LOC128125817: variants seen among roughly 807,000 people sequenced by gnomAD.
the LOC128125817 span, among the ~76,000 whole-genome samples, chr1:41,624,226 A>T: frequency 6.6e-6 from 1 of 152,158 alleles, no homozygotes; most frequent in Non-Finnish European, 1.5e-5. Flanking sequence ...ATCCTCCAGT[A>T]CAAAAATGAG....
the LOC128125817 span, among the ~76,000 whole-genome samples, chr1:41,605,373 GCGCACACACACACA>G: frequency 1.9e-5 from 2 of 106,758 alleles, no homozygotes; most frequent in East Asian, 5.2e-4. Flanking sequence ...ACACGCACAC[GCGCACACACACACA>G]CACACACACA....
chr1:41,597,741 C>T, the LOC128125817 span, among the ~76,000 whole-genome samples: 2 of 152,174 alleles, frequency 1.3e-5, no homozygotes, highest in African/African-American at 2.4e-5. Context: ...TTTTAGCAGC[C>T]TTCCTTTCCT....
the LOC128125817 span, among the ~76,000 whole-genome samples, chr1:41,594,441 T>A: frequency 1.3e-5 from 2 of 152,066 alleles, no homozygotes; most frequent in Non-Finnish European, 2.9e-5. Flanking sequence ...CAGACTGGTC[T>A]TGAACTCCTG....
At chr1:41,592,996 T>A in the LOC128125817 span, among the ~76,000 whole-genome samples, 326 of 152,312 alleles carry the variant, frequency 2.1e-3, 1 homozygote, top group South Asian at 4.8e-3. Flanking sequence ...CCCAGCCATG[T>A]CATCAATCCC....
At chr1:41,602,702 T>C in the LOC128125817 span, among the ~76,000 whole-genome samples, 1 of 152,090 alleles carries the variant, frequency 6.6e-6, no homozygotes, top group African/African-American at 2.4e-5. Context: ...CATTGATTTT[T>C]TTCCTATTGT....
At chr1:41,598,921 T>G in the LOC128125817 span, among the ~76,000 whole-genome samples, 1 of 152,016 alleles carries the variant, frequency 6.6e-6, no homozygotes, top group Non-Finnish European at 1.5e-5. Context: ...GCTCAGGTGA[T>G]TCTCCCACCT....
chr1:41,620,190 C>T, the LOC128125817 span, among the ~76,000 whole-genome samples: 1 of 152,214 alleles, frequency 6.6e-6, no homozygotes, highest in African/African-American at 2.4e-5. Flanking sequence ...CAGGGCTTGT[C>T]CTGACAGGTG....
the LOC128125817 span, among the ~76,000 whole-genome samples, chr1:41,602,195 TGTA>T: frequency 6.6e-6 from 1 of 152,210 alleles, no homozygotes; most frequent in Non-Finnish European, 1.5e-5. Flanking sequence ...AATATTAGCC[TGTA>T]GTTTTCTTTT....
At chr1:41,612,415 A>C in the LOC128125817 span, among the ~76,000 whole-genome samples, 1 of 152,106 alleles carries the variant, frequency 6.6e-6, no homozygotes, top group African/African-American at 2.4e-5. Flanking sequence ...CTCCTTGCAG[A>C]CCTCCTGTTC....
chr1:41,626,565 C>T, the LOC128125817 span, among the ~76,000 whole-genome samples: 1 of 152,148 alleles, frequency 6.6e-6, no homozygotes, highest in Admixed American at 6.5e-5. Flanking sequence ...GGACAGTTCC[C>T]CCATGTATCT....
the LOC128125817 span, among the ~76,000 whole-genome samples, chr1:41,610,168 T>TAC: frequency 6.6e-6 from 1 of 152,086 alleles, no homozygotes; most frequent in Non-Finnish European, 1.5e-5. Flanking sequence ...TCTCTCTGTA[T>TAC]ACACACACAC....
the LOC128125817 span, among the ~76,000 whole-genome samples, chr1:41,623,241 G>A: frequency 6.6e-6 from 1 of 152,206 alleles, no homozygotes. Context: ...TTTTGGAGAA[G>A]CGACACGAGA....
At chr1:41,591,891 A>G in the LOC128125817 span, among the ~76,000 whole-genome samples, 7 of 151,864 alleles carry the variant, frequency 4.6e-5, no homozygotes, top group Non-Finnish European at 1.0e-4. Flanking sequence ...GACCGACCCA[A>G]CGAGAGCGGG....
the LOC128125817 span, among the ~76,000 whole-genome samples, chr1:41,594,791 C>G: frequency 6.6e-6 from 1 of 152,060 alleles, no homozygotes; most frequent in Non-Finnish European, 1.5e-5. Flanking sequence ...TCCAATATTA[C>G]TTTTTAGAAT....
chr1:41,618,329 C>A, the LOC128125817 span, among the ~76,000 whole-genome samples: 1 of 152,234 alleles, frequency 6.6e-6, no homozygotes, highest in Non-Finnish European at 1.5e-5. Context: ...AGGAGCCAAG[C>A]CTTGTTCCTT....
the LOC128125817 span, among the ~76,000 whole-genome samples, chr1:41,598,502 G>A: frequency 6.6e-6 from 1 of 152,194 alleles, no homozygotes. Flanking sequence ...AAGAGGTGGC[G>A]ACTGCCTGTG....
At chr1:41,616,222 A>G in the LOC128125817 span, among the ~76,000 whole-genome samples, 2 of 152,098 alleles carry the variant, frequency 1.3e-5, no homozygotes, top group Non-Finnish European at 2.9e-5. Flanking sequence ...TGGGTCTAGG[A>G]GGAAACTTAG....
the LOC128125817 span, among the ~76,000 whole-genome samples, chr1:41,627,866 C>T: frequency 6.6e-6 from 1 of 151,968 alleles, no homozygotes; most frequent in Non-Finnish European, 1.5e-5. Flanking sequence ...CCAGAGAACT[C>T]CCTCCCTCCG....
At chr1:41,601,649 A>C in the LOC128125817 span, among the ~76,000 whole-genome samples, 1 of 152,104 alleles carries the variant, frequency 6.6e-6, no homozygotes, top group Non-Finnish European at 1.5e-5. Flanking sequence ...TTTTAATGGC[A>C]TCTTTAGGAT....
Sources: gnomAD v4.1 joint callset for allele counts (sites outside exome capture counted in the v4.1 genomes callset) on GRCh38, gnomAD v4.1.1 for gene constraint, MANE v1.5 for transcripts.